The following LMO7 variants were observed in gnomAD, a reference collection of about 807,000 sequenced individuals.
LMO7 encodes LIM domain only protein 7.
LMO7 carries 120 observed loss-of-function variants against 206.5 expected under a neutral mutation model. The ratio of observed to expected loss-of-function variants is 0.58; its 90% CI spans 0.50 to 0.68. The LOEUF (loss-of-function observed/expected upper bound fraction) is 0.68, where lower values mean the gene tolerates loss of function less well. LMO7 is among the 30% of genes least tolerant of loss of function. LMO7 has a pLI of 0.00. For synonymous variants in LMO7, 706 were observed against 681.5 expected, an observed-to-expected ratio of 1.04 and a Z score of -0.56; for missense variants, 1,959 against 1,957.9, an observed-to-expected ratio of 1.00 and a Z score of -0.01.
chr13:75,683,403 G>T (rs1163892503), intron 1 of LMO7, among the ~76,000 whole-genome samples: 1 of 152,080 alleles, frequency 6.6e-6, no homozygotes, highest in Non-Finnish European at 1.5e-5. Flanking sequence ...GCATATGGTG[G>T]ACAGTTTGAA....
At chr13:75,752,327 C>T (rs942770789) in intron 3 of LMO7, among the ~76,000 whole-genome samples, 13 of 152,006 alleles carry the variant, frequency 8.6e-5, no homozygotes, top group Non-Finnish European at 1.9e-4. Flanking sequence ...GACGGGGTTT[C>T]ACCATGAGTT....
intron 3 of LMO7, among the ~76,000 whole-genome samples, chr13:75,727,915 G>A (rs2138628846): frequency 6.6e-6 from 1 of 152,022 alleles, no homozygotes; most frequent in South Asian, 2.1e-4. Flanking sequence ...TGAGAATGAT[G>A]GTTTCCAGTT....
intron 4 of LMO7, among the ~76,000 whole-genome samples, chr13:75,761,825 C>T: frequency 6.6e-6 from 1 of 152,050 alleles, no homozygotes; most frequent in Non-Finnish European, 1.5e-5. Context: ...CATCCTGCCT[C>T]TTAAACCTAA....
intron 3 of LMO7, among the ~76,000 whole-genome samples, chr13:75,737,586 T>C (rs1360141575): frequency 6.8e-5 from 10 of 147,522 alleles, no homozygotes; most frequent in African/African-American, 2.2e-4. Context: ...ACCCCGTCTC[T>C]ACTAAAAATA....
At chr13:75,628,331 C>T (rs1360665404) in intron 2 of LMO7, 1 of 152,198 alleles carries the variant, frequency 6.6e-6, no homozygotes, top group Non-Finnish European at 1.5e-5. Flanking sequence ...CTGGTGCATA[C>T]ATGTTTTCCC....
rs2061110417 is a variant in LMO7 at position 75,858,061 on chromosome 13, C to T, written c.*118C>T. The T allele has an allele frequency of 1.7e-6, 2 of 1,199,624 alleles. No homozygotes were observed. Among genetic ancestry groups the T allele is most frequent in the African/African-American group, 1.6e-5 (1 of 63,722 alleles). 74.3% of individuals were successfully genotyped at this position (1,199,624 alleles called of 1,614,324 possible). ...GCTTTTTTTTTAAAAAAAAGAATAA[C>T]TTTTTTTGCCTCTTTAGATTACATA... is the stretch of plus-strand genomic sequence containing the variant. On this transcript the variant is annotated 3_prime_UTR_variant, in exon 31 of 31. Transcript: ENST00000377534.
At chr13:75,635,466 C>T (rs970535921), upstream of LMO7, among the ~76,000 whole-genome samples, 14 of 152,198 alleles carry the variant, frequency 9.2e-5, no homozygotes, top group African/African-American at 3.4e-4. Flanking sequence ...GCACACCTAC[C>T]CAGGGCCGCG....
chr13:75,716,466 A>T (rs1044627029), intron 2 of LMO7, among the ~76,000 whole-genome samples: 1 of 152,162 alleles, frequency 6.6e-6, no homozygotes, highest in Non-Finnish European at 1.5e-5. Flanking sequence ...TTGGGATTTC[A>T]TCAAGGAATA....
chr13:75,856,479 A>AGTAC, intron 29 of LMO7, 27 bp from the exon 30 acceptor site: 1 of 1,366,884 alleles, frequency 7.3e-7, no homozygotes. Flanking sequence ...GACTGATTGT[A>AGTAC]GATGTTCTTT....
chr13:75,830,481 T>C (rs1438643051), intron 15 of LMO7, among the ~76,000 whole-genome samples: 1 of 152,198 alleles, frequency 6.6e-6, no homozygotes, highest in Non-Finnish European at 1.5e-5. Flanking sequence ...GTGACATGCC[T>C]GTGGTCACCT....
chr13:75,665,611 C>T (rs184163242), intron 1 of LMO7, among the ~76,000 whole-genome samples: 4 of 152,050 alleles, frequency 2.6e-5, no homozygotes, highest in African/African-American at 9.6e-5. Context: ...ACGGCAACCT[C>T]CGCCTCCTGG....
exon 1 of LMO7, chr13:75,620,814 C>G (rs2033276558): frequency 6.6e-6 from 1 of 152,128 alleles, no homozygotes; most frequent in Admixed American, 6.5e-5. Flanking sequence ...ATGAAAATTG[C>G]TTCACTTTGA....
chr13:75,815,389 A>T (rs1468013999), intron 11 of LMO7, among the ~76,000 whole-genome samples: 1 of 152,190 alleles, frequency 6.6e-6, no homozygotes, highest in Non-Finnish European at 1.5e-5. Context: ...TATGAGAGAA[A>T]GAGAAGAATC....
chr13:75,819,352 G>T, intron 12 of LMO7, 41 bp from the exon 13 acceptor site: 1 of 1,554,250 alleles, frequency 6.4e-7, no homozygotes, highest in South Asian at 1.3e-5. Context: ...AGGGTGTATA[G>T]AAATTCAGGT....
intron 4 of LMO7, among the ~76,000 whole-genome samples, chr13:75,786,224 G>A (rs1184459942): frequency 6.6e-6 from 1 of 152,154 alleles, no homozygotes; most frequent in Non-Finnish European, 1.5e-5. Flanking sequence ...TAAAGTGTCT[G>A]TGTCTTGCTT....
intron 1 of LMO7, among the ~76,000 whole-genome samples, chr13:75,712,866 A>C (rs949804458): frequency 6.6e-6 from 1 of 152,210 alleles, no homozygotes; most frequent in Non-Finnish European, 1.5e-5. Flanking sequence ...ATAGGTTTTT[A>C]AAAAATATAT....
At chr13:75,687,935 T>C (rs2041152626) in intron 1 of LMO7, among the ~76,000 whole-genome samples, 1 of 152,180 alleles carries the variant, frequency 6.6e-6, no homozygotes, top group Non-Finnish European at 1.5e-5. Flanking sequence ...TGGGAGGTAA[T>C]TGAATCATGG....
intron 2 of LMO7, among the ~76,000 whole-genome samples, chr13:75,723,848 T>A (rs990741725): frequency 6.6e-6 from 1 of 152,146 alleles, no homozygotes; most frequent in African/African-American, 2.4e-5. Context: ...ATTAGGTAGT[T>A]TATAAACAAT....
intron 26 of LMO7, among the ~76,000 whole-genome samples, chr13:75,845,894 C>G (rs987356489): frequency 8.6e-5 from 13 of 152,010 alleles, no homozygotes; most frequent in African/African-American, 2.4e-4. Context: ...AAAAAAAACC[C>G]TAAGCGGTAA....
Sources: allele counts gnomAD v4.1 joint callset (sites outside exome capture counted in the v4.1 genomes callset), GRCh38; gene constraint gnomAD v4.1.1; transcripts MANE v1.5; gene names NCBI Gene and HGNC (gene_info 2026-07-23, HGNC 2026-07-21).